PRKN: variants seen among roughly 807,000 people sequenced by gnomAD.
The protein encoded by PRKN is parkin RBR E3 ubiquitin protein ligase, also known as E3 ubiquitin-protein ligase parkin.
A neutral mutation model predicts 59.5 loss-of-function variants in PRKN; 56 were observed. That is an observed-to-expected ratio of 0.94 (90% CI 0.76 to 1.18). The LOEUF (loss-of-function observed/expected upper bound fraction) is 1.18. PRKN is among the 50% of genes most tolerant of loss of function. The pLI is 0.00. For synonymous variants in PRKN, 250 were observed against 222.1 expected (o/e 1.13, Z -1.12); for missense variants, 657 against 596.4 (o/e 1.10, Z -1.06).
At chr6:161,828,034 G>A (rs1234714457) in intron 6 of PRKN, among the ~76,000 whole-genome samples, 4 of 152,144 alleles carry the variant, frequency 2.6e-5, no homozygotes, top group African/African-American at 9.7e-5. Flanking sequence ...TATTCTGTGT[G>A]ATGAACAGCT....
In PRKN at chr6:161,429,514, G is replaced by A. The variant is rs550096353; in HGVS notation, c.1084-42637C>T. 6.6e-6 allele frequency among the ~76,000 whole-genome samples: 1 copy of A among 152,300 alleles called. No individual in the cohort carries two copies. Among genetic ancestry groups the A allele is most frequent in the South Asian group, 2.1e-4 (1 of 4,830 alleles). On this transcript the variant is annotated intron_variant, in intron 9 of 11. Coordinates refer to ENST00000366898, the MANE Select transcript of PRKN (RefSeq NM_004562.3). This position sits in a 1 kb window ranked among gnomAD's most constrained non-coding sequence, Gnocchi z 4.2. The stretch of plus-strand genomic sequence containing the variant: ...GCTGAGACCTTGCAATGGCTAGGAT[G>A]TTGCTAGAAGAAGGAAATGGAAGCA...
At chr6:162,621,745 C>T (rs189063738) in intron 1 of PRKN, among the ~76,000 whole-genome samples, 21 of 152,166 alleles carry the variant, frequency 1.4e-4, no homozygotes, top group Non-Finnish European at 2.8e-4. Flanking sequence ...TCACTATTGC[C>T]CCTAACTCTT....
At chr6:161,587,689 T>C (rs181393273) in intron 7 of PRKN, among the ~76,000 whole-genome samples, 3 of 152,286 alleles carry the variant, frequency 2.0e-5, no homozygotes, top group Admixed American at 2.0e-4. Flanking sequence ...AGGTAGTATC[T>C]GGTTACACGA....
intron 7 of PRKN, among the ~76,000 whole-genome samples, chr6:161,590,069 G>A (rs370757777): frequency 3.3e-5 from 5 of 151,928 alleles, no homozygotes; most frequent in South Asian, 2.1e-4. Context: ...GATTACAGGC[G>A]TGAGCCACTG....
intron 6 of PRKN, among the ~76,000 whole-genome samples, chr6:161,793,541 C>T (rs1790721175): frequency 6.6e-6 from 1 of 151,580 alleles, no homozygotes; most frequent in African/African-American, 2.4e-5. Context: ...AGATGCCAGG[C>T]AGTGTCATGT....
At chr6:162,213,568 A>G (rs990077202) in intron 3 of PRKN, among the ~76,000 whole-genome samples, 1 of 151,952 alleles carries the variant, frequency 6.6e-6, no homozygotes, top group Non-Finnish European at 1.5e-5. Flanking sequence ...TCTACAAAAA[A>G]TAAACAAAAA....
intron 4 of PRKN, among the ~76,000 whole-genome samples, chr6:162,155,811 A>G (rs1782488100): frequency 6.6e-6 from 1 of 152,088 alleles, no homozygotes; most frequent in Admixed American, 6.6e-5. Context: ...GAAAAAAAAA[A>G]AAAAGAGTCA....
chr6:161,759,256 T>C (rs1017738371), intron 7 of PRKN, among the ~76,000 whole-genome samples: 7 of 152,110 alleles, frequency 4.6e-5, no homozygotes, highest in East Asian at 1.9e-4. Context: ...GTAATCAGGA[T>C]GGCAAGCATT....
intron 1 of PRKN, among the ~76,000 whole-genome samples, chr6:162,676,132 CA>C (rs10717391): frequency 9.5e-4 from 145 of 152,162 alleles, no homozygotes; most frequent in African/African-American, 3.4e-3. Context: ...AACAGAAATA[CA>C]AAAGAAAGTG....
chr6:161,963,599 C>A lies in PRKN; in HGVS notation c.734+9703G>T, dbSNP rs997297918. On this transcript the variant is annotated intron_variant, in intron 6 of 11. Transcript: ENST00000366898. ...TTGGACTTCAAAATTGGACATTTCC[C>A]CTTATTTCTAACACCTCCTTAAAAA... Among the ~76,000 whole-genome samples, 3 of 152,198 alleles carry A rather than the reference C, an allele frequency of 2.0e-5. No homozygotes were observed. In the South Asian group the frequency reaches 6.2e-4, roughly 32 times the overall value.
At chr6:161,677,614 C>T (rs1465389525) in intron 7 of PRKN, among the ~76,000 whole-genome samples, 1 of 152,174 alleles carries the variant, frequency 6.6e-6, no homozygotes, top group African/African-American at 2.4e-5. Context: ...ACACACTGCA[C>T]TGGTGGATGG....
At chr6:162,368,353 C>T (rs974350227) in intron 2 of PRKN, among the ~76,000 whole-genome samples, 27 of 152,154 alleles carry the variant, frequency 1.8e-4, no homozygotes, top group Non-Finnish European at 3.7e-4. Flanking sequence ...AGCCAGAAGC[C>T]AGACTCTTTG....
rs1332562364 is a variant in PRKN, at chr6:161,771,391, AT to A, written c.871+14380del. Among the ~76,000 whole-genome samples, 580 of 146,510 alleles carry A rather than the reference AT, an allele frequency of 4.0e-3. 16 individuals carry two copies. The highest frequency in any genetic ancestry group is 0.013 in the African/African-American group (521 of 38,814). The stretch of plus-strand genomic sequence containing the variant: ...AAAAAATAAAATAAAATAAAATAAA[AT>A]AAAATAAAAGCACTGCTGTGCTTGA... On this transcript the variant is annotated intron_variant, in intron 7 of 11. Transcript: ENST00000366898.
rs552459557 is a variant in PRKN, at chr6:162,437,881, T to C, written c.171+5429A>G. Reference sequence around the variant, plus strand: ...GTTCTGCTAATGTGAATAAAACTGCTATAAACATTCATATACAGATTTGTG... The same window carrying C: ...GTTCTGCTAATGTGAATAAAACTGCCATAAACATTCATATACAGATTTGTG... On this transcript the variant is annotated intron_variant, in intron 2 of 11. Coordinates refer to ENST00000366898, the MANE Select transcript of PRKN (RefSeq NM_004562.3). 6.6e-5 allele frequency among the ~76,000 whole-genome samples: 10 copies of C among 152,356 alleles called. No individual in the cohort carries two copies. The South Asian group carries it at 1.9e-3, about 28-fold the overall frequency.
At chr6:161,678,683 A>G (rs149476171) in intron 7 of PRKN, among the ~76,000 whole-genome samples, 5,221 of 145,892 alleles carry the variant, frequency 0.036, 136 homozygotes, top group Middle Eastern at 0.061. Context: ...TCCTGCCTCA[A>G]CCTCCCGAGT....
intron 9 of PRKN, among the ~76,000 whole-genome samples, chr6:161,404,363 T>G (rs915557615): frequency 5.3e-5 from 8 of 152,206 alleles, no homozygotes; most frequent in African/African-American, 1.9e-4. Flanking sequence ...TGACAGAGGT[T>G]AGAGCAGTCA....
chr6:161,972,527 A>C (rs1780858730), intron 6 of PRKN, among the ~76,000 whole-genome samples: 1 of 152,114 alleles, frequency 6.6e-6, no homozygotes, highest in African/African-American at 2.4e-5. Context: ...TTTTTTACTA[A>C]CAGGCCATCT....
chr6:162,085,947 A>G (rs1365645544), intron 4 of PRKN, among the ~76,000 whole-genome samples: 1 of 152,192 alleles, frequency 6.6e-6, no homozygotes, highest in Non-Finnish European at 1.5e-5. Context: ...AACAGTGCCT[A>G]TGAGAAAGAT....
chr6:162,021,118 AC>A (rs1783136240), intron 5 of PRKN, among the ~76,000 whole-genome samples: 1 of 32,186 alleles, frequency 3.1e-5, no homozygotes, highest in African/African-American at 1.3e-4. Context: ...AAAAACAAAA[AC>A]ATATATATAT....
Sources: allele counts gnomAD v4.1 joint callset (sites outside exome capture counted in the v4.1 genomes callset), GRCh38; gene constraint gnomAD v4.1.1; non-coding constraint Gnocchi (gnomAD v3.1); transcripts MANE v1.5; gene names NCBI Gene and HGNC (gene_info 2026-07-23, HGNC 2026-07-21).